MYO16: variants seen among roughly 807,000 people sequenced by gnomAD.
MYO16 encodes the protein myosin XVI.
A neutral mutation model predicts 205.3 loss-of-function variants in MYO16; 94 were observed. That is an observed-to-expected ratio of 0.46 (90% CI 0.39 to 0.54). The LOEUF (loss-of-function observed/expected upper bound fraction) is 0.54, where lower values mean the gene tolerates loss of function less well. Among genes scored for constraint, MYO16 ranks in the 20% least tolerant of loss-of-function variants. The pLI, the probability that MYO16 is intolerant of heterozygous loss-of-function variation, is 0.00. For missense variants in MYO16, 2,315 were observed against 2,387.5 expected, an observed-to-expected ratio of 0.97 and a Z score of 0.63; for synonymous variants, 988 against 954.0, an observed-to-expected ratio of 1.04 and a Z score of -0.66.
chr13:108,651,611 G>C (rs1881009069), intron 1 of MYO16, among the ~76,000 whole-genome samples: 1 of 152,108 alleles, frequency 6.6e-6, no homozygotes, highest in Admixed American at 6.5e-5. Context: ...AGATAAACAT[G>C]CCCAAATAAT....
chr13:109,126,079 A>G (rs1325921125), intron 30 of MYO16, among the ~76,000 whole-genome samples: 1 of 152,190 alleles, frequency 6.6e-6, no homozygotes, highest in Admixed American at 6.5e-5. Context: ...TTGTTTTGCT[A>G]TAGAAACTTG....
At chr13:108,507,072 C>T in the MYO16 span, among the ~76,000 whole-genome samples, 2 of 152,078 alleles carry the variant, frequency 1.3e-5, no homozygotes, top group African/African-American at 4.8e-5. Context: ...CTAACCCTAA[C>T]CATTCTTCTC....
At chr13:108,866,134 T>G in intron 11 of MYO16, 43 bp from the exon 12 acceptor site, 1 of 1,249,366 alleles carries the variant, frequency 8.0e-7, no homozygotes, top group South Asian at 1.7e-5. Flanking sequence ...TTAAAGATGC[T>G]ATTTATATGA....
the MYO16 span, among the ~76,000 whole-genome samples, chr13:108,576,034 G>C: frequency 2.6e-5 from 4 of 152,074 alleles, no homozygotes; most frequent in Admixed American, 2.6e-4. Flanking sequence ...ATTGTCAAGC[G>C]CTCAGGGCTA....
chr13:108,552,330 A>G, the MYO16 span, among the ~76,000 whole-genome samples: 1 of 152,318 alleles, frequency 6.6e-6, no homozygotes, highest in Non-Finnish European at 1.5e-5. Context: ...TGGAGGTGGC[A>G]AGATCATGAT....
intron 25 of MYO16, among the ~76,000 whole-genome samples, chr13:109,053,391 A>G (rs1887312766): frequency 1.3e-5 from 2 of 152,002 alleles, no homozygotes; most frequent in South Asian, 4.1e-4. Context: ...TTTAGAACTA[A>G]ATGATCATGA....
At chr13:109,143,526 A>G (rs557416250) in intron 32 of MYO16, among the ~76,000 whole-genome samples, 1 of 152,328 alleles carries the variant, frequency 6.6e-6, no homozygotes, top group East Asian at 1.9e-4. Flanking sequence ...GTTTATTAAA[A>G]CCTCATGAAC....
intron 20 of MYO16, among the ~76,000 whole-genome samples, chr13:108,966,081 C>G (rs1883782968): frequency 6.6e-6 from 1 of 152,164 alleles, no homozygotes; most frequent in Non-Finnish European, 1.5e-5. Flanking sequence ...GTACACATCT[C>G]AAATCCCACT....
intron 1 of MYO16, among the ~76,000 whole-genome samples, chr13:108,645,345 CA>C (rs1880704367): frequency 6.6e-6 from 1 of 152,166 alleles, no homozygotes; most frequent in Non-Finnish European, 1.5e-5. Flanking sequence ...CATGTTTCAG[CA>C]GTTCTTTTCT....
At chr13:108,868,919 A>C (rs905627745) in intron 12 of MYO16, among the ~76,000 whole-genome samples, 1 of 97,892 alleles carries the variant, frequency 1.0e-5, no homozygotes, top group African/African-American at 3.0e-5. Flanking sequence ...GACTCTGTCA[A>C]AAAAAAAAAA....
At chr13:108,656,331 A>G (rs1881243612) in intron 1 of MYO16, among the ~76,000 whole-genome samples, 1 of 152,160 alleles carries the variant, frequency 6.6e-6, no homozygotes, top group Non-Finnish European at 1.5e-5. Flanking sequence ...CTGCCATGTT[A>G]AGAAGTGCCT....
At chr13:108,503,433 A>C in the MYO16 span, among the ~76,000 whole-genome samples, 5 of 146,046 alleles carry the variant, frequency 3.4e-5, no homozygotes, top group African/African-American at 1.3e-4. Flanking sequence ...CAAGGAGAAG[A>C]AGCTCAAAAA....
At chr13:109,042,906 A>G (rs1310259237) in intron 23 of MYO16, among the ~76,000 whole-genome samples, 1 of 152,258 alleles carries the variant, frequency 6.6e-6, no homozygotes, top group East Asian at 1.9e-4. Flanking sequence ...TCAAACTGCC[A>G]TCAGCAAATG....
At chr13:108,852,465 G>C (rs112304953) in intron 10 of MYO16, among the ~76,000 whole-genome samples, 16 of 152,150 alleles carry the variant, frequency 1.1e-4, no homozygotes, top group Non-Finnish European at 2.4e-4. Context: ...TCCTCTCTGG[G>C]CCTTAAGTTC....
chr13:109,172,689 G>A (rs1374343874), intron 33 of MYO16, among the ~76,000 whole-genome samples: 1 of 152,150 alleles, frequency 6.6e-6, no homozygotes, highest in Non-Finnish European at 1.5e-5. Context: ...ATGGACTGCT[G>A]TATTTTATAT....
At chr13:108,684,834 G>A (rs920840974) in intron 2 of MYO16, among the ~76,000 whole-genome samples, 5 of 152,164 alleles carry the variant, frequency 3.3e-5, no homozygotes, top group Admixed American at 1.3e-4. Context: ...TGTGAGGGCC[G>A]CCTGGTGAGC....
At chr13:108,584,292 T>G in the MYO16 span, among the ~76,000 whole-genome samples, 1 of 152,306 alleles carries the variant, frequency 6.6e-6, no homozygotes, top group African/African-American at 2.4e-5. Context: ...TGTAATTGGA[T>G]AAAGTTATTT....
At chr13:108,838,752 A>G (rs1299731641) in intron 9 of MYO16, among the ~76,000 whole-genome samples, 1 of 71,820 alleles carries the variant, frequency 1.4e-5, no homozygotes, top group Non-Finnish European at 2.5e-5. Context: ...CTATATATAT[A>G]TACACACACA....
At chr13:109,022,835 TA>T (rs569597936) in intron 23 of MYO16, among the ~76,000 whole-genome samples, 39 of 134,912 alleles carry the variant, frequency 2.9e-4, no homozygotes, top group African/African-American at 1.0e-3. Flanking sequence ...TATATAAACA[TA>T]GTATATATTT....
Sources: gnomAD v4.1 joint callset for allele counts (sites outside exome capture counted in the v4.1 genomes callset) on GRCh38, gnomAD v4.1.1 for gene constraint, MANE v1.5 for transcripts, NCBI Gene and HGNC (gene_info 2026-07-23, HGNC 2026-07-21) for gene names.